UBE2E2: variants seen among roughly 807,000 people sequenced by gnomAD.
UBE2E2 encodes the protein ubiquitin conjugating enzyme E2 E2.
UBE2E2 carries 6 observed loss-of-function variants against 24.7 expected under a neutral mutation model. The ratio of observed to expected loss-of-function variants is 0.24; its 90% CI spans 0.13 to 0.48. UBE2E2 has a LOEUF of 0.48. Ranked by LOEUF, UBE2E2 falls within the 20% of genes least tolerant of loss-of-function variation. UBE2E2 has a pLI of 0.99. For missense variants in UBE2E2, 169 were observed against 245.0 expected, an observed-to-expected ratio of 0.69 and a Z score of 2.07; for synonymous variants, 104 against 83.6, an observed-to-expected ratio of 1.24 and a Z score of -1.33.
intron 3 of UBE2E2, among the ~76,000 whole-genome samples, chr3:23,483,995 A>G (rs963610226): frequency 7.2e-5 from 11 of 152,210 alleles, no homozygotes; most frequent in Non-Finnish European, 1.6e-4. Flanking sequence ...AAAAGACCTC[A>G]GTGGAGCCCT....
In UBE2E2 at chr3:23,203,452, AC is replaced by A. The variant is rs111458483; in HGVS notation, c.-13del. ...GCTCGAGCCTGCGACCTGCACGGACACCCCCCCCTCAGGTATTCGCTCGGGC... is the reference window on the plus strand; with the variant it reads ...GCTCGAGCCTGCGACCTGCACGGACACCCCCCCTCAGGTATTCGCTCGGGC... On this transcript the variant is annotated 5_prime_UTR_variant, in exon 1 of 6. Coordinates refer to ENST00000396703, the MANE Select transcript of UBE2E2 (RefSeq NM_152653.4). 7.5e-5 allele frequency: 70 copies of A among 930,966 alleles called. No individual in the cohort carries two copies. Among genetic ancestry groups the A allele is most frequent in the East Asian group, 1.3e-4 (1 of 7,502 alleles). 57.7% of individuals were successfully genotyped at this position (930,966 alleles called of 1,614,324 possible).
chr3:23,345,376 GT>G (rs1317664315), intron 3 of UBE2E2, among the ~76,000 whole-genome samples: 5 of 152,092 alleles, frequency 3.3e-5, no homozygotes, highest in Non-Finnish European at 7.4e-5. Flanking sequence ...GAATATAGCA[GT>G]TTTCAATATA....
At chr3:23,302,090 A>G (rs2125264515) in intron 3 of UBE2E2, among the ~76,000 whole-genome samples, 1 of 151,860 alleles carries the variant, frequency 6.6e-6, no homozygotes, top group South Asian at 2.1e-4. Flanking sequence ...AATTTCCTCC[A>G]TTCCAGGAGT....
intron 3 of UBE2E2, among the ~76,000 whole-genome samples, chr3:23,226,149 G>T (rs551743513): frequency 4.6e-5 from 7 of 152,122 alleles, no homozygotes; most frequent in Admixed American, 2.0e-4. Context: ...AAAGTGCTGG[G>T]TTTACAGGTG....
At chr3:23,520,503 A>C (rs979114134) in intron 4 of UBE2E2, among the ~76,000 whole-genome samples, 1 of 152,232 alleles carries the variant, frequency 6.6e-6, no homozygotes, top group African/African-American at 2.4e-5. Flanking sequence ...TTTTTATAGT[A>C]TTTGTGAATA....
intron 3 of UBE2E2, among the ~76,000 whole-genome samples, chr3:23,405,977 C>T (rs917648312): frequency 2.0e-5 from 3 of 152,152 alleles, no homozygotes; most frequent in Non-Finnish European, 4.4e-5. Flanking sequence ...AAGTTAAAAT[C>T]TCAGCCTTTT....
At chr3:23,323,413 G>A in intron 3 of UBE2E2, 1 of 270,276 alleles carries the variant, frequency 3.7e-6, no homozygotes, top group South Asian at 3.3e-5. Context: ...ACCAATTTGG[G>A]TCATTTGGCA....
At chr3:23,324,574 G>A (rs1382704056) in intron 3 of UBE2E2, among the ~76,000 whole-genome samples, 1 of 152,084 alleles carries the variant, frequency 6.6e-6, no homozygotes, top group Admixed American at 6.6e-5. Flanking sequence ...ACATCCTTCA[G>A]TTTTGTTATT....
intron 5 of UBE2E2, among the ~76,000 whole-genome samples, chr3:23,536,884 C>A (rs1006026240): frequency 6.6e-6 from 1 of 152,196 alleles, no homozygotes; most frequent in African/African-American, 2.4e-5. Flanking sequence ...GACATACTAA[C>A]AGTGTGACAT....
At chr3:23,268,805 C>G (rs1698141250) in intron 3 of UBE2E2, among the ~76,000 whole-genome samples, 2 of 151,204 alleles carry the variant, frequency 1.3e-5, no homozygotes, top group South Asian at 4.2e-4. Context: ...TCAAACTATA[C>G]TACAAGGCTA....
chr3:23,354,098 C>T (rs1438875105), intron 3 of UBE2E2, among the ~76,000 whole-genome samples: 3 of 152,170 alleles, frequency 2.0e-5, no homozygotes, highest in African/African-American at 4.8e-5. Flanking sequence ...CTACAACTAT[C>T]TGATCTTTGA....
chr3:23,390,814 A>G (rs1696916791), intron 3 of UBE2E2, among the ~76,000 whole-genome samples: 1 of 152,062 alleles, frequency 6.6e-6, no homozygotes, highest in Non-Finnish European at 1.5e-5. Context: ...GGTCAAGGGA[A>G]CTCTCCCATC....
At chr3:23,405,963 G>A (rs1697346305) in intron 3 of UBE2E2, among the ~76,000 whole-genome samples, 2 of 152,042 alleles carry the variant, frequency 1.3e-5, no homozygotes, top group South Asian at 4.2e-4. Context: ...CCATAACTAG[G>A]GCCAAGTTAA....
At chr3:23,527,694 C>A (rs1186532869) in intron 4 of UBE2E2, among the ~76,000 whole-genome samples, 1 of 152,064 alleles carries the variant, frequency 6.6e-6, no homozygotes, top group African/African-American at 2.4e-5. Flanking sequence ...TGATTTAAAT[C>A]AATCATGCCT....
chr3:23,272,654 C>G (rs1010225828), intron 3 of UBE2E2, among the ~76,000 whole-genome samples: 2 of 152,038 alleles, frequency 1.3e-5, no homozygotes, highest in African/African-American at 4.8e-5. Context: ...AATAGACTAT[C>G]TATCTATCTA....
At chr3:23,411,638 C>T (rs1481073217) in intron 3 of UBE2E2, among the ~76,000 whole-genome samples, 1 of 152,082 alleles carries the variant, frequency 6.6e-6, no homozygotes, top group Non-Finnish European at 1.5e-5. Flanking sequence ...ATAATTTCTT[C>T]GTCTATAATT....
intron 3 of UBE2E2, among the ~76,000 whole-genome samples, chr3:23,238,504 G>T (rs1021437036): frequency 6.6e-6 from 1 of 152,194 alleles, no homozygotes; most frequent in Non-Finnish European, 1.5e-5. Context: ...GAACTAGTTA[G>T]GTTGGGTGGG....
intron 3 of UBE2E2, among the ~76,000 whole-genome samples, chr3:23,308,062 T>A (rs1162882283): frequency 6.6e-6 from 1 of 152,196 alleles, no homozygotes; most frequent in East Asian, 1.9e-4. Context: ...ACTGTAGTAA[T>A]AAGTGGCTTT....
chr3:23,468,443 A>G (rs1166471826), intron 3 of UBE2E2, among the ~76,000 whole-genome samples: 2 of 152,256 alleles, frequency 1.3e-5, no homozygotes, highest in East Asian at 1.9e-4. Flanking sequence ...GATGCATTGA[A>G]AAAATGGGAA....
Sources: allele counts gnomAD v4.1 joint callset (sites outside exome capture counted in the v4.1 genomes callset), GRCh38; gene constraint gnomAD v4.1.1; transcripts MANE v1.5; gene names NCBI Gene and HGNC (gene_info 2026-07-23, HGNC 2026-07-21).